Variants in PARP11 observed in about 807,000 individuals in gnomAD.
PARP11 encodes protein mono-ADP-ribosyltransferase PARP11.
Under a neutral mutation model 42.9 loss-of-function variants are expected in PARP11, and 31 were observed. The ratio of observed to expected loss-of-function variants is 0.72; its 90% confidence interval spans 0.54 to 0.98. PARP11 has a LOEUF of 0.98. PARP11 is among the 50% of genes least tolerant of loss of function. The probability of loss-of-function intolerance (pLI) is 0.00; values close to 1 mark genes in which losing one functional copy is unlikely to be tolerated. For synonymous variants in PARP11, 137 were observed against 127.3 expected (o/e 1.08, Z -0.51); for missense variants, 365 against 413.1 (o/e 0.88, Z 1.01).
Position 3,840,128 on chromosome 12 carries a change from AT to A in PARP11, c.19-10111del. The A allele has an allele frequency of 6.2e-7, 1 of 1,610,772 alleles. No individual in the cohort carries two copies. Among genetic ancestry groups the A allele is most frequent in the South Asian group, 1.1e-5 (1 of 91,010 alleles). On this transcript the variant is annotated intron_variant, in intron 1 of 7. Transcript: ENST00000228820. This position sits in a 1 kb window ranked among gnomAD's most constrained non-coding sequence, Gnocchi z 4.4. ...AAACAAGCTCAGCAAAAACGTGATT[AT>A]TCCATTGCTGCTGGCTTACAATATG...
intron 1 of PARP11, among the ~76,000 whole-genome samples, chr12:3,858,017 A>G (rs1948222831): frequency 6.6e-6 from 1 of 152,238 alleles, no homozygotes; most frequent in Admixed American, 6.5e-5. Context: ...CAACACTCGG[A>G]AAACAATGAC....
chr12:3,814,024 T>C lies in PARP11; in HGVS notation c.700+13A>G, dbSNP rs188388588. Reference sequence around the variant, plus strand: ...CCTGGGGCTCAAATTGGACCTGGAATTCTGATAATTACCTTTTCCAAAGAC... The same window carrying C: ...CCTGGGGCTCAAATTGGACCTGGAACTCTGATAATTACCTTTTCCAAAGAC... On this transcript the variant is annotated intron_variant, in intron 7 of 7. Coordinates refer to ENST00000228820, the MANE Select transcript of PARP11 (RefSeq NM_020367.6). The C allele has an allele frequency of 6.5e-7, 1 of 1,537,060 alleles. No individual in the cohort carries two copies. Among genetic ancestry groups the C allele is most frequent in the East Asian group, 2.3e-5 (1 of 43,074 alleles).
chr12:3,822,214 G>GT, intron 4 of PARP11, 57 bp from the exon 5 acceptor site: 2 of 1,299,688 alleles, frequency 1.5e-6, no homozygotes, highest in Non-Finnish European at 2.2e-6. Flanking sequence ...TTACTGTCAA[G>GT]AACTTAGCCC....
chr12:3,822,454 C>A (rs1947417175), intron 4 of PARP11, among the ~76,000 whole-genome samples: 1 of 142,750 alleles, frequency 7.0e-6, no homozygotes, highest in African/African-American at 2.7e-5. Flanking sequence ...AAAAAATTAG[C>A]CAGGCGTGGG....
At chr12:3,872,862 G>A (rs1286003243) in intron 1 of PARP11, 1 of 944,710 alleles carries the variant, frequency 1.1e-6, no homozygotes, top group Non-Finnish European at 1.3e-6. Flanking sequence ...GGAGACGGAG[G>A]TTGCGGTGGG....
intron 1 of PARP11, among the ~76,000 whole-genome samples, chr12:3,846,482 C>T (rs111926319): frequency 6.3e-4 from 96 of 152,104 alleles, no homozygotes; most frequent in African/African-American, 2.0e-3. Flanking sequence ...TTGGATTGGG[C>T]GCAGTAGCTC....
rs1947346923 is a variant in PARP11, at chr12:3,819,185, T to C, written c.548+2688A>G. On this transcript the variant is annotated intron_variant, in intron 6 of 7. Coordinates refer to ENST00000228820, the MANE Select transcript of PARP11 (RefSeq NM_020367.6). ...GGAGTTATCTTTCTCATCTCCCTTA[T>C]TCACTCCATCGCATACAATAAGTGA... Among the ~76,000 whole-genome samples, 5 of 152,346 alleles carry C rather than the reference T, an allele frequency of 3.3e-5. No homozygotes were observed. The South Asian group carries it at 1.0e-3, about 32-fold the overall frequency.
intron 1 of PARP11, among the ~76,000 whole-genome samples, chr12:3,858,907 T>C (rs1948241765): frequency 1.3e-5 from 2 of 151,514 alleles, no homozygotes; most frequent in South Asian, 2.1e-4. Context: ...CTGGCCAACA[T>C]GGTGAAACTC....
chr12:3,840,816 A>C lies in PARP11; in HGVS notation c.19-10798T>G, dbSNP rs1947870746. The C allele has an allele frequency of 6.3e-7, 1 of 1,594,314 alleles. No homozygotes were observed. The highest frequency in any genetic ancestry group is 1.3e-5 in the African/African-American group (1 of 74,600). ...AATATGCAACAGTTTCATCACCATCAAAGTCAAAGAAGTTAGAGTGCCCTT... is the reference window on the plus strand; with the variant it reads ...AATATGCAACAGTTTCATCACCATCCAAGTCAAAGAAGTTAGAGTGCCCTT... On this transcript the variant is annotated intron_variant, in intron 1 of 7. Coordinates refer to ENST00000228820, the MANE Select transcript of PARP11 (RefSeq NM_020367.6). The surrounding 1 kb of genome is among the most constrained non-coding windows in gnomAD (Gnocchi z 4.4).
rs1362322206 is a variant in PARP11 at position 3,873,200 on chromosome 12, C to T, written c.18+12G>A. The T allele has an allele frequency of 2.6e-6, 4 of 1,548,792 alleles. No homozygotes were observed. Among genetic ancestry groups the T allele is most frequent in the Non-Finnish European group, 3.5e-6 (4 of 1,146,058 alleles). On this transcript the variant is annotated intron_variant, in intron 1 of 7. Transcript: ENST00000228820. ...GCCCCCTGGGCCCGCCCCGTCCCGC[C>T]CGGCTACTCACTGGATTCGCTTCCC...
At chr12:3,851,361 G>C (rs1348881488) in intron 1 of PARP11, among the ~76,000 whole-genome samples, 1 of 152,180 alleles carries the variant, frequency 6.6e-6, no homozygotes, top group South Asian at 2.1e-4. Context: ...CTAGCCAAGG[G>C]AAGCCGTGAC....
intron 1 of PARP11, among the ~76,000 whole-genome samples, chr12:3,859,730 AAT>A (rs1483173889): frequency 5.3e-5 from 8 of 152,270 alleles, no homozygotes; most frequent in South Asian, 4.2e-4. Context: ...CAAAGATACA[AAT>A]AGGTGGAAAG....
chr12:3,820,939 A>G (rs1947379803), intron 6 of PARP11, among the ~76,000 whole-genome samples: 1 of 152,228 alleles, frequency 6.6e-6, no homozygotes, highest in Non-Finnish European at 1.5e-5. Flanking sequence ...CCATGAAAGA[A>G]TTCCATGTAT....
rs958267882 is a variant in PARP11 at position 3,842,556 on chromosome 12, G to T, written c.19-12538C>A. ...AGTATTTTCTAACAGAAACTCTTAG[G>T]TGGAATGTTTCTGAAGGCTTTAAAA... On this transcript the variant is annotated intron_variant, in intron 1 of 7. Transcript: ENST00000228820. The T allele has an allele frequency of 2.9e-6, 4 of 1,386,798 alleles. No individual in the cohort carries two copies. The African/African-American group carries it at 5.7e-5, about 20-fold the overall frequency. 85.9% of individuals were successfully genotyped at this position (1,386,798 alleles called of 1,614,324 possible). A position where few individuals can be genotyped will look rare whatever the true frequency, so the allele number is the denominator to read the frequency against.
chr12:3,812,124 C>A lies in PARP11; in HGVS notation c.1016G>T (p.Ter339LeuextTer27). 1 of 1,581,206 alleles carries A rather than the reference C, an allele frequency of 6.3e-7. No homozygotes were observed. The highest frequency in any genetic ancestry group is 8.6e-7 in the Non-Finnish European group (1 of 1,164,024). ...IYPEYLIDFH[*>L] ...GACCACCGAGATTTGGAAGTGAAATCAATGAAAGTCTATCAAGTACTCAGG... is the reference window on the plus strand; with the variant it reads ...GACCACCGAGATTTGGAAGTGAAATAAATGAAAGTCTATCAAGTACTCAGG... The change falls in exon 8 of 8, where the codon TGA becomes TTA. Residue 339 changes from the stop codon to leucine (L), a stop_lost. Transcript: ENST00000228820.
At chr12:3,822,593 C>T (rs1043946324) in intron 4 of PARP11, among the ~76,000 whole-genome samples, 2 of 135,052 alleles carry the variant, frequency 1.5e-5, no homozygotes, top group Non-Finnish European at 3.1e-5. Context: ...GGCGAGACTC[C>T]GTCTCAAAAA....
intron 4 of PARP11, among the ~76,000 whole-genome samples, chr12:3,823,745 AT>A (rs1385762777): frequency 6.6e-6 from 1 of 151,850 alleles, no homozygotes; most frequent in Non-Finnish European, 1.5e-5. Context: ...GTGAAACCCC[AT>A]CTCTACTAAA....
At chr12:3,845,894 G>A (rs1947984953) in intron 1 of PARP11, among the ~76,000 whole-genome samples, 1 of 152,192 alleles carries the variant, frequency 6.6e-6, no homozygotes, top group South Asian at 2.1e-4. Context: ...CTGGGAAGCA[G>A]CAACTTTGGG....
In PARP11 at chr12:3,809,866, C is replaced by G. The variant is rs960585532; in HGVS notation, c.*2257G>C. On this transcript the variant is annotated 3_prime_UTR_variant, in exon 8 of 8. Transcript: ENST00000228820. ...CTAGATGCTTTTTAAAGCGCTTTTT[C>G]TAAATATTCTCAGCACTTCATCTAA... The G allele has an allele frequency of 6.6e-6, 1 of 152,108 alleles. No homozygotes were observed. Among genetic ancestry groups the G allele is most frequent in the Non-Finnish European group, 1.5e-5 (1 of 68,024 alleles). The allele number at this position is 152,108 out of a possible 1,614,324, so 9.4% of individuals were successfully genotyped here.
Sources: allele counts gnomAD v4.1 joint callset (sites outside exome capture counted in the v4.1 genomes callset), GRCh38; gene constraint gnomAD v4.1.1; non-coding constraint Gnocchi (gnomAD v3.1); transcripts MANE v1.5; gene names NCBI Gene and HGNC (gene_info 2026-07-23, HGNC 2026-07-21).